HK1: variants seen among roughly 807,000 people sequenced by gnomAD.
The protein encoded by HK1 is hexokinase-1.
A neutral mutation model predicts 91.6 loss-of-function variants in HK1; 28 were observed. The observed-to-expected ratio is 0.31, with a 90% CI of 0.23 to 0.42. The LOEUF (loss-of-function observed/expected upper bound fraction) is 0.42. Ranked by LOEUF, HK1 falls within the 10% of genes least tolerant of loss-of-function variation. The pLI is 1.00. For missense variants in HK1, 770 were observed against 1,219.8 expected, an observed-to-expected ratio of 0.63 and a Z score of 5.49; for synonymous variants, 430 against 468.1, an observed-to-expected ratio of 0.92 and a Z score of 1.05.
chr10:69,379,804 T>C, intron 8 of HK1, 58 bp from the exon 9 acceptor site: 2 of 1,226,694 alleles, frequency 1.6e-6, no homozygotes, highest in South Asian at 2.4e-5. Context: ...TGAGCCTCAG[T>C]GCTTTGCACT....
rs577596875 is a variant in HK1, at chr10:69,302,215, C to G, written c.27+1354C>G. 5.1e-4 allele frequency among the ~76,000 whole-genome samples: 77 copies of G among 150,974 alleles called. 1 individual carries two copies. In the South Asian group the frequency reaches 0.016, roughly 31 times the overall value. On this transcript the variant is annotated intron_variant, in intron 5 of 21. Coordinates refer to the HK1 transcript ENST00000360289. ...TGAGCTGAGATCACACCATTGCACTCCAGCCTGGGCAACAAGAGCAAAACT... is the reference window on the plus strand; with the variant it reads ...TGAGCTGAGATCACACCATTGCACTGCAGCCTGGGCAACAAGAGCAAAACT...
intron 2 of HK1, among the ~76,000 whole-genome samples, chr10:69,352,602 TG>T (rs1848936065): frequency 6.6e-6 from 1 of 152,124 alleles, no homozygotes; most frequent in African/African-American, 2.4e-5. Flanking sequence ...TTATGCCGGG[TG>T]AAAGAAGCCA....
intron 1 of HK1, chr10:69,278,540 G>T (rs1002289792): frequency 6.6e-6 from 1 of 152,204 alleles, no homozygotes; most frequent in Non-Finnish European, 1.5e-5. Flanking sequence ...GAATGCACTG[G>T]GGCTGACGAC....
intron 15 of HK1, among the ~76,000 whole-genome samples, chr10:69,393,791 C>A (rs1840017789): frequency 6.6e-6 from 1 of 152,112 alleles, no homozygotes; most frequent in Admixed American, 6.5e-5. Context: ...CAAAGTAATC[C>A]CAGCACTTTG....
intron 1 of HK1, 178 bp downstream of exon 1, chr10:69,319,188 C>T: frequency 2.6e-6 from 2 of 768,842 alleles, no homozygotes; most frequent in South Asian, 3.3e-5. Context: ...GTCAGTGTCT[C>T]TGTGTGTGTG....
At chr10:69,295,645 GA>G in exon 4 of HK1, 1 of 1,609,798 alleles carries the variant, frequency 6.2e-7, no homozygotes. Flanking sequence ...TACAGCAGCT[GA>G]AAAACCAAAA....
intron 5 of HK1, among the ~76,000 whole-genome samples, chr10:69,308,316 C>T (rs1299344809): frequency 2.0e-5 from 3 of 151,974 alleles, no homozygotes; most frequent in African/African-American, 4.8e-5. Context: ...CCTCAGACAC[C>T]GAGTTAAAGA....
At chr10:69,305,030 C>T (rs932466184) in intron 5 of HK1, among the ~76,000 whole-genome samples, 3 of 152,186 alleles carry the variant, frequency 2.0e-5, no homozygotes, top group Admixed American at 6.5e-5. Context: ...CAGCATCACT[C>T]CCATCCCTGC....
At chr10:69,397,485 G>A (rs1175726666) in intron 16 of HK1, among the ~76,000 whole-genome samples, 1 of 152,168 alleles carries the variant, frequency 6.6e-6, no homozygotes, top group Admixed American at 6.5e-5. Flanking sequence ...ACGGTAAACT[G>A]AGGAAGACAT....
rs1839534761 is a variant in HK1 at position 69,384,462 on chromosome 10, T to C, written c.1700T>C (p.Met567Thr). ...NKIYAIPIEI[M>T]QGTGEELFDH... ...ATCTACGCCATTCCTATTGAAATCA[T>C]GCAGGGCACTGGGGAAGAGGTGAGA... Residue 567 changes from methionine to threonine, a missense_variant, in exon 11 of 18, where the codon ATG (methionine) becomes ACG (threonine). Met to Thr is a moderately conservative substitution (Grantham distance 81). Coordinates refer to ENST00000359426, the MANE Select transcript of HK1 (RefSeq NM_000188.3). 1.2e-6 allele frequency: 2 copies of C among 1,614,130 alleles called. No homozygotes were observed. Among genetic ancestry groups the C allele is most frequent in the African/African-American group, 2.7e-5 (2 of 74,944 alleles).
chr10:69,346,701 A>G (rs1848581229), intron 2 of HK1, among the ~76,000 whole-genome samples: 1 of 151,820 alleles, frequency 6.6e-6, no homozygotes, highest in Non-Finnish European at 1.5e-5. Flanking sequence ...TTCTTCAATA[A>G]TCTGTATATC....
chr10:69,348,466 T>G (rs886468714), intron 2 of HK1, among the ~76,000 whole-genome samples: 6 of 152,236 alleles, frequency 3.9e-5, no homozygotes, highest in African/African-American at 1.4e-4. Context: ...GTTCCCATCA[T>G]GCAGCTGGAT....
chr10:69,332,499 C>T (rs1029167478), intron 1 of HK1, among the ~76,000 whole-genome samples: 1 of 152,030 alleles, frequency 6.6e-6, no homozygotes, highest in African/African-American at 2.4e-5. Context: ...ATGCCTCAGC[C>T]TCTCTAGTAG....
intron 11 of HK1, 114 bp from the exon 12 acceptor site, chr10:69,384,682 A>G: frequency 6.8e-7 from 1 of 1,473,764 alleles, no homozygotes; most frequent in Non-Finnish European, 9.5e-7. Context: ...CTCACTCTGC[A>G]TGTGTGTGGG....
intron 2 of HK1, among the ~76,000 whole-genome samples, chr10:69,350,692 A>C (rs967559293): frequency 2.0e-5 from 3 of 152,114 alleles, no homozygotes; most frequent in Non-Finnish European, 4.4e-5. Flanking sequence ...ACATGAAATA[A>C]ATAAATGTTT....
At chr10:69,290,922 C>T (rs1845270918) in intron 3 of HK1, among the ~76,000 whole-genome samples, 1 of 152,170 alleles carries the variant, frequency 6.6e-6, no homozygotes, top group South Asian at 2.1e-4. Context: ...GGAGTGGAGG[C>T]CACTAAATAC....
chr10:69,341,666 G>A (rs1469951295), intron 1 of HK1, among the ~76,000 whole-genome samples: 1 of 151,908 alleles, frequency 6.6e-6, no homozygotes, highest in African/African-American at 2.4e-5. Flanking sequence ...TTGTTGCCCA[G>A]GCTAATCTCG....
chr10:69,298,399 G>A (rs1482906107), intron 4 of HK1, among the ~76,000 whole-genome samples: 3 of 151,706 alleles, frequency 2.0e-5, no homozygotes, highest in African/African-American at 7.3e-5. Flanking sequence ...AGACCAAGGA[G>A]AGGATCACTT....
At position 69,300,357 on chromosome 10, in the gene HK1, G is replaced by T. The variant is rs1251805939; in HGVS notation, c.-66-412G>T. The T allele has an allele frequency of 1.7e-5, 8 of 473,656 alleles. No individual in the cohort carries two copies. In the East Asian group the frequency reaches 1.8e-4, roughly 10 times the overall value. The allele number at this position is 473,656 out of a possible 1,614,324, so 29.3% of individuals were successfully genotyped here. A position where few individuals can be genotyped will look rare whatever the true frequency, so the allele number is the denominator to read the frequency against. On this transcript the variant is annotated intron_variant, in intron 4 of 21. Transcript: ENST00000360289. Reference sequence around the variant, plus strand: ...TTAATGTTGCTGCATATATCAAAAGGTTATTCCTATGTAATTTTGTTTTTT... The same window carrying T: ...TTAATGTTGCTGCATATATCAAAAGTTTATTCCTATGTAATTTTGTTTTTT...
Sources: allele counts gnomAD v4.1 joint callset (sites outside exome capture counted in the v4.1 genomes callset), GRCh38; gene constraint gnomAD v4.1.1; transcripts MANE v1.5; gene names NCBI Gene and HGNC (gene_info 2026-07-23, HGNC 2026-07-21).